The following SNUPN variants were observed in gnomAD, a reference collection of about 807,000 sequenced individuals.
SNUPN encodes the protein snurportin-1.
Under a neutral mutation model 39.2 loss-of-function variants are expected in SNUPN, and 31 were observed. That is an observed-to-expected ratio of 0.79 (90% CI 0.59 to 1.07). The LOEUF is 1.07. Ranked by LOEUF, SNUPN falls within the 50% of genes least tolerant of loss-of-function variation. The pLI is 0.00. For synonymous variants in SNUPN, 132 were observed against 159.0 expected (o/e 0.83, Z 1.28); for missense variants, 382 against 434.2 (o/e 0.88, Z 1.07).
chr15:75,609,456 T>C, intron 5 of SNUPN, 102 bp downstream of exon 5: 1 of 840,194 alleles, frequency 1.2e-6, no homozygotes, highest in East Asian at 2.5e-5. Context: ...CCCAAAGTGC[T>C]GGGATTACAG....
intron 3 of SNUPN, among the ~76,000 whole-genome samples, chr15:75,612,848 C>T (rs1892820088): frequency 6.6e-6 from 1 of 151,972 alleles, no homozygotes; most frequent in Non-Finnish European, 1.5e-5. Flanking sequence ...AATTAGACTA[C>T]ATCAAAATTT....
rs924339177 is a variant in SNUPN at position 75,598,340 on chromosome 15, T to C, written c.*18A>G. 1.2e-6 allele frequency: 2 copies of C among 1,600,198 alleles called. No homozygotes were observed. The highest frequency in any genetic ancestry group is 1.7e-6 in the Non-Finnish European group (2 of 1,170,900). On this transcript the variant is annotated 3_prime_UTR_variant, in exon 9 of 9. Coordinates refer to ENST00000308588, the MANE Select transcript of SNUPN (RefSeq NM_005701.4). ...GGGCCAGGTACCATCCTGTGGCTCCTTAAGGAGGCTTCTCTCTTTAATTCT... is the reference window on the plus strand; with the variant it reads ...GGGCCAGGTACCATCCTGTGGCTCCCTAAGGAGGCTTCTCTCTTTAATTCT...
At chr15:75,600,887 C>T in intron 8 of SNUPN, 1 of 401,520 alleles carries the variant, frequency 2.5e-6, no homozygotes, top group African/African-American at 2.0e-5. Flanking sequence ...CTCAGTTTCT[C>T]CATCTGTAAG....
chr15:75,624,516 C>CA (rs1893166344), intron 1 of SNUPN, among the ~76,000 whole-genome samples: 1 of 140,038 alleles, frequency 7.1e-6, no homozygotes, highest in Non-Finnish European at 1.6e-5. Flanking sequence ...AAAAAAAATA[C>CA]AAAAAAATTA....
intron 2 of SNUPN, among the ~76,000 whole-genome samples, chr15:75,618,870 G>C (rs1031633559): frequency 6.6e-6 from 1 of 151,978 alleles, no homozygotes; most frequent in African/African-American, 2.4e-5. Flanking sequence ...GGAGGGACTG[G>C]CTTGATGGCA....
intron 3 of SNUPN, among the ~76,000 whole-genome samples, chr15:75,613,437 G>C (rs1170714978): frequency 6.6e-6 from 1 of 151,246 alleles, no homozygotes; most frequent in African/African-American, 2.4e-5. Flanking sequence ...AAAATCAGGA[G>C]TTCGAGACCA....
intron 2 of SNUPN, among the ~76,000 whole-genome samples, chr15:75,619,245 A>C (rs987546983): frequency 6.6e-6 from 1 of 151,550 alleles, no homozygotes; most frequent in African/African-American, 2.4e-5. Flanking sequence ...GGTTGCAGTG[A>C]GCCAAGATCA....
chr15:75,619,022 TAAAAAAAAAAA>T (rs35749195), intron 2 of SNUPN, among the ~76,000 whole-genome samples: 9 of 74,352 alleles, frequency 1.2e-4, no homozygotes, highest in South Asian at 5.4e-4. Context: ...CTACTTGTGT[TAAAAAAAAAAA>T]AAAAAAAAAA....
intron 5 of SNUPN, among the ~76,000 whole-genome samples, chr15:75,608,282 T>C (rs1892683668): frequency 6.6e-6 from 1 of 151,992 alleles, no homozygotes; most frequent in African/African-American, 2.4e-5. Flanking sequence ...ACTCAGGAAA[T>C]TGAGGTGGGA....
At chr15:75,625,143 G>C (rs1434497381) in intron 1 of SNUPN, 1 of 153,942 alleles carries the variant, frequency 6.5e-6, no homozygotes, top group Non-Finnish European at 1.4e-5. Context: ...TTAGCCCCAG[G>C]TGGTCTTAGC....
At chr15:75,620,566 G>A (rs1893040894) in intron 2 of SNUPN, among the ~76,000 whole-genome samples, 1 of 152,292 alleles carries the variant, frequency 6.6e-6, no homozygotes, top group Non-Finnish European at 1.5e-5. Context: ...AGGAAATGTG[G>A]GGAGTGAAAG....
intron 1 of SNUPN, among the ~76,000 whole-genome samples, chr15:75,623,324 AT>A (rs60385274): frequency 0.59 from 89,109 of 150,498 alleles, 27,726 homozygotes; most frequent in African/African-American, 0.81. Context: ...TTGTTTTTGT[AT>A]TTTTTAGTAG....
intron 3 of SNUPN, among the ~76,000 whole-genome samples, chr15:75,612,504 CTG>C (rs1193644024): frequency 8.5e-5 from 13 of 152,280 alleles, no homozygotes; most frequent in Admixed American, 2.6e-4. Context: ...CTTCAGGGGG[CTG>C]TTTTAGGTCC....
chr15:75,612,458 A>G (rs1892807765), intron 3 of SNUPN, among the ~76,000 whole-genome samples: 1 of 151,984 alleles, frequency 6.6e-6, no homozygotes, highest in South Asian at 2.1e-4. Flanking sequence ...TTTTCCCTCT[A>G]AACATTCCTC....
intron 2 of SNUPN, among the ~76,000 whole-genome samples, chr15:75,620,463 C>T (rs1893038761): frequency 6.6e-6 from 1 of 152,072 alleles, no homozygotes; most frequent in South Asian, 2.1e-4. Flanking sequence ...CTTGAACTCC[C>T]AAGAGTGCCA....
intron 1 of SNUPN, chr15:75,622,610 C>T (rs1893099623): frequency 1.8e-6 from 1 of 545,558 alleles, no homozygotes; most frequent in Admixed American, 6.4e-5. Flanking sequence ...TGGGCTGGCC[C>T]AGCCCTTTGG....
At chr15:75,618,847 C>G (rs1892999104) in intron 2 of SNUPN, among the ~76,000 whole-genome samples, 1 of 151,862 alleles carries the variant, frequency 6.6e-6, no homozygotes, top group African/African-American at 2.4e-5. Flanking sequence ...GAAAACTGCC[C>G]AGATGCCCAT....
intron 5 of SNUPN, among the ~76,000 whole-genome samples, chr15:75,607,539 C>T (rs1008380031): frequency 2.0e-5 from 3 of 152,162 alleles, no homozygotes; most frequent in Non-Finnish European, 2.9e-5. Context: ...CGCATCAAGG[C>T]AAACCTTAAG....
At position 75,609,958 on chromosome 15, in the gene SNUPN, C is replaced by G; in HGVS notation, c.340G>C (p.Asp114His). The stretch of plus-strand genomic sequence containing the variant: ...ACCACAATCCATTCCTGCCCCAAAT[C>G]TGAAGGAACGTCAATTAACCACTCA... ...LSEWLIDVPS[D>H]LGQEWIVVVC... Residue 114 changes from aspartate to histidine, a missense_variant, in exon 4 of 9, where the codon GAT (aspartate) becomes CAT (histidine). Asp to His is a moderately conservative substitution (Grantham distance 81). Transcript: ENST00000308588. 1 of 1,614,118 alleles carries G rather than the reference C, an allele frequency of 6.2e-7. No homozygotes were observed. Among genetic ancestry groups the G allele is most frequent in the Non-Finnish European group, 8.5e-7 (1 of 1,180,030 alleles).
Sources: allele counts gnomAD v4.1 joint callset (sites outside exome capture counted in the v4.1 genomes callset), GRCh38; gene constraint gnomAD v4.1.1; transcripts MANE v1.5; gene names NCBI Gene and HGNC (gene_info 2026-07-23, HGNC 2026-07-21).